Variants in L2HGDH observed in about 807,000 individuals in gnomAD.
The protein encoded by L2HGDH is L-2-hydroxyglutarate dehydrogenase.
Under a neutral mutation model 51.5 loss-of-function variants are expected in L2HGDH, and 34 were observed. The ratio of observed to expected loss-of-function variants is 0.66; its 90% CI spans 0.50 to 0.88. The LOEUF (loss-of-function observed/expected upper bound fraction) is 0.88. Among genes scored for constraint, L2HGDH ranks in the 40% least tolerant of loss-of-function variants. L2HGDH has a pLI of 0.00. For synonymous variants in L2HGDH, 198 were observed against 197.9 expected, an observed-to-expected ratio of 1.00 and a Z score of -0.01; for missense variants, 558 against 571.9, an observed-to-expected ratio of 0.98 and a Z score of 0.25.
chr14:50,278,669 C>T (rs1446387026), intron 5 of L2HGDH, 115 bp from the exon 6 acceptor site: 2 of 631,114 alleles, frequency 3.2e-6, no homozygotes, highest in Non-Finnish European at 5.7e-6. Flanking sequence ...ATGATTGCAC[C>T]TTACAGTTCA....
Position 50,246,730 on chromosome 14 carries a change from A to T in L2HGDH, c.*328T>A. 1 of 185,712 alleles carries T rather than the reference A, an allele frequency of 5.4e-6. No individual in the cohort carries two copies. The highest frequency in any genetic ancestry group is 1.1e-5 in the Non-Finnish European group (1 of 89,314). 11.5% of individuals were successfully genotyped at this position (185,712 alleles called of 1,614,324 possible). ...CGGCCCCCAGCCTAACATTTTGAAA[A>T]TTATTATTATTATTATTTTCTTGCT... On this transcript the variant is annotated 3_prime_UTR_variant, in exon 10 of 10. Coordinates refer to ENST00000267436, the MANE Select transcript of L2HGDH (RefSeq NM_024884.3).
rs1566538941 is a variant in L2HGDH, at chr14:50,302,063, T to C, written c.362A>G (p.Tyr121Cys). 1.2e-6 allele frequency: 2 copies of C among 1,614,110 alleles called. No individual in the cohort carries two copies. The highest frequency in any genetic ancestry group is 2.2e-5 in the East Asian group (1 of 44,870). ...AATTCCCTTTTGCTGACAGTACTCA[T>C]AGAGGAGGGCTGCACCTTGTACACA... ...KLCVQGAALL[Y>C]EYCQQKGISY... The change falls in exon 3 of 10, where the codon TAT becomes TGT. Residue 121 changes from tyrosine (Y) to cysteine (C), a missense_variant. Tyr to Cys is a radical substitution (Grantham distance 194, BLOSUM62 -2). Coordinates refer to ENST00000267436, the MANE Select transcript of L2HGDH (RefSeq NM_024884.3).
chr14:50,305,926 A>T (rs546827027), intron 1 of L2HGDH, among the ~76,000 whole-genome samples: 48 of 152,328 alleles, frequency 3.2e-4, no homozygotes, highest in African/African-American at 1.0e-3. Flanking sequence ...CTATGTGAAT[A>T]GTTGTTATAC....
At chr14:50,294,983 C>T (rs1349465106) in intron 3 of L2HGDH, among the ~76,000 whole-genome samples, 2 of 151,982 alleles carry the variant, frequency 1.3e-5, no homozygotes, top group Non-Finnish European at 1.5e-5. Context: ...GGTATAAAGG[C>T]TATTTAAATC....
intron 9 of L2HGDH, among the ~76,000 whole-genome samples, chr14:50,260,137 T>G (rs901196216): frequency 6.6e-6 from 1 of 152,132 alleles, no homozygotes; most frequent in African/African-American, 2.4e-5. Context: ...TTCTAGATTT[T>G]GGGGAAGATT....
intron 4 of L2HGDH, among the ~76,000 whole-genome samples, chr14:50,292,282 C>T (rs1164051482): frequency 6.6e-6 from 1 of 152,218 alleles, no homozygotes; most frequent in African/African-American, 2.4e-5. Context: ...CAGTCAAAAT[C>T]ATAACAGGTT....
chr14:50,263,380 CG>C (rs1384598250), intron 9 of L2HGDH, among the ~76,000 whole-genome samples: 1 of 152,158 alleles, frequency 6.6e-6, no homozygotes, highest in African/African-American at 2.4e-5. Context: ...AGAGGAAAAA[CG>C]TTAGCTGAGT....
At chr14:50,263,045 G>T (rs1442804563) in intron 9 of L2HGDH, among the ~76,000 whole-genome samples, 1 of 152,194 alleles carries the variant, frequency 6.6e-6, no homozygotes, top group Non-Finnish European at 1.5e-5. Context: ...CCGAAGTCCA[G>T]TTCTACCATA....
In L2HGDH at chr14:50,245,300, T is replaced by C. The variant is rs2139917731; in HGVS notation, c.*1758A>G. 1.0e-6 allele frequency: 1 copy of C among 984,902 alleles called. No individual in the cohort carries two copies. The highest frequency in any genetic ancestry group is 4.7e-5 in the South Asian group (1 of 21,280). The allele number at this position is 984,902 out of a possible 1,614,324, so 61.0% of individuals were successfully genotyped here. A position where few individuals can be genotyped will look rare whatever the true frequency, so the allele number is the denominator to read the frequency against. On this transcript the variant is annotated 3_prime_UTR_variant, in exon 10 of 10. Coordinates refer to ENST00000267436, the MANE Select transcript of L2HGDH (RefSeq NM_024884.3). ...AAATAACTTTTTTAAATTGGAGTTCTATACATCAGTGTCAGGATTCTAAAA... is the reference window on the plus strand; with the variant it reads ...AAATAACTTTTTTAAATTGGAGTTCCATACATCAGTGTCAGGATTCTAAAA...
rs1354945866 is a variant in L2HGDH at position 50,265,430 on chromosome 14, G to A, written c.1124C>T (p.Ala375Val). Residue 375 changes from alanine (A) to valine (V), a missense_variant, in exon 9 of 10, where the codon GCA becomes GTA. Ala to Val is a moderately conservative substitution (Grantham distance 64). Transcript: ENST00000267436. Reference sequence around the variant, plus strand: ...CTTCACTGTTGCACCAAGAAAACATGCTTTATACATTTCAGTAACTCCATA... The same window carrying A: ...CTTCACTGTTGCACCAAGAAAACATACTTTATACATTTCAGTAACTCCATA... ...FSYGVTEMYK[A>V]CFLGATVKYL... The A allele has an allele frequency of 1.9e-6, 3 of 1,612,204 alleles. No homozygotes were observed. Among genetic ancestry groups the A allele is most frequent in the East Asian group, 2.2e-5 (1 of 44,842 alleles).
intron 4 of L2HGDH, chr14:50,287,072 G>T: frequency 3.7e-6 from 2 of 540,468 alleles, no homozygotes; most frequent in Non-Finnish European, 4.7e-6. Context: ...TTTGGGAGCT[G>T]TGTGACCCTG....
At chr14:50,265,903 G>T (rs1889307531) in intron 8 of L2HGDH, among the ~76,000 whole-genome samples, 1 of 152,008 alleles carries the variant, frequency 6.6e-6, no homozygotes, top group South Asian at 2.1e-4. Context: ...GACAGAGAGA[G>T]ACCCTCTCTC....
At chr14:50,304,748 T>G (rs1274467701) in intron 1 of L2HGDH, among the ~76,000 whole-genome samples, 1 of 152,100 alleles carries the variant, frequency 6.6e-6, no homozygotes, top group Non-Finnish European at 1.5e-5. Context: ...GGCAGGAGAA[T>G]GGCGTGAACC....
chr14:50,293,852 C>G (rs1438202979), intron 4 of L2HGDH, among the ~76,000 whole-genome samples: 1 of 152,212 alleles, frequency 6.6e-6, no homozygotes, highest in East Asian at 1.9e-4. Flanking sequence ...CCACACCTCA[C>G]TGCTCAGTGT....
chr14:50,254,532 T>C (rs1239299233), intron 9 of L2HGDH, among the ~76,000 whole-genome samples: 1 of 152,044 alleles, frequency 6.6e-6, no homozygotes, highest in Non-Finnish European at 1.5e-5. Flanking sequence ...GACCAGCCAC[T>C]GATGTTGAGT....
intron 5 of L2HGDH, among the ~76,000 whole-genome samples, chr14:50,283,365 C>G (rs548021100): frequency 6.6e-6 from 1 of 152,306 alleles, no homozygotes; most frequent in South Asian, 2.1e-4. Context: ...TCTACCAGCA[C>G]AAGACCCTCC....
At position 50,243,913 on chromosome 14, in the gene L2HGDH, ATGAG is replaced by A. The variant is rs1370047261; in HGVS notation, c.*3141_*3144del. ...TGTTCTCATTGTTCAATTCCCATCT[ATGAG>A]TGAGAACATGCGGTGTTTGGTTTTT... On this transcript the variant is annotated 3_prime_UTR_variant, in exon 10 of 10. Transcript: ENST00000267436. 1 of 139,044 alleles carries A rather than the reference ATGAG, an allele frequency of 7.2e-6. No individual in the cohort carries two copies. Among genetic ancestry groups the A allele is most frequent in the East Asian group, 2.2e-4 (1 of 4,578 alleles). The allele number at this position is 139,044 out of a possible 1,614,324, so 8.6% of individuals were successfully genotyped here.
At chr14:50,268,787 T>C (rs1040689) in intron 7 of L2HGDH, among the ~76,000 whole-genome samples, 6,878 of 152,124 alleles carry the variant, frequency 0.045, 462 homozygotes, top group African/African-American at 0.14. Flanking sequence ...AACTACAGAG[T>C]GGCCACATCC....
chr14:50,294,504 T>C (rs1344594510), intron 3 of L2HGDH, among the ~76,000 whole-genome samples: 1 of 152,206 alleles, frequency 6.6e-6, no homozygotes, highest in African/African-American at 2.4e-5. Context: ...TCCACTTCTG[T>C]TATCATAGTC....
Sources: allele counts gnomAD v4.1 joint callset (sites outside exome capture counted in the v4.1 genomes callset), GRCh38; gene constraint gnomAD v4.1.1; transcripts MANE v1.5; gene names NCBI Gene and HGNC (gene_info 2026-07-23, HGNC 2026-07-21).